PLPP1: variants seen among roughly 807,000 people sequenced by gnomAD.
PLPP1 encodes phospholipid phosphatase 1.
Under a neutral mutation model 31.2 loss-of-function variants are expected in PLPP1, and 24 were observed. The ratio of observed to expected loss-of-function variants is 0.77; its 90% CI spans 0.56 to 1.08. The LOEUF is 1.08. Ranked by LOEUF, PLPP1 falls within the 50% of genes least tolerant of loss-of-function variation. The pLI is 0.00. For synonymous variants in PLPP1, 146 were observed against 126.3 expected (o/e 1.16, Z -1.05); for missense variants, 319 against 342.7 (o/e 0.93, Z 0.55).
At chr5:55,468,647 C>A (rs1419481163) in intron 2 of PLPP1, among the ~76,000 whole-genome samples, 1 of 151,944 alleles carries the variant, frequency 6.6e-6, no homozygotes, top group Non-Finnish European at 1.5e-5. Flanking sequence ...ACTAAAAATA[C>A]AAAAAATCAG....
At chr5:55,433,333 AAAAG>A (rs1315490575) in intron 4 of PLPP1, among the ~76,000 whole-genome samples, 3 of 148,336 alleles carry the variant, frequency 2.0e-5, no homozygotes, top group African/African-American at 5.0e-5. Context: ...CGAAAAGAAA[AAAAG>A]AAAAGAAATA....
intron 3 of PLPP1, among the ~76,000 whole-genome samples, chr5:55,455,455 AT>A (rs1167903840): frequency 1.3e-5 from 2 of 152,070 alleles, no homozygotes; most frequent in Non-Finnish European, 2.9e-5. Flanking sequence ...TTAGCCAAGC[AT>A]GGTGGCTACA....
chr5:55,447,497 T>C (rs867809210), intron 3 of PLPP1, among the ~76,000 whole-genome samples: 1 of 152,230 alleles, frequency 6.6e-6, no homozygotes, highest in African/African-American at 2.4e-5. Flanking sequence ...AGGTACTTAA[T>C]ACACAGCGTT....
At chr5:55,498,037 G>A (rs1353915918) in intron 1 of PLPP1, among the ~76,000 whole-genome samples, 2 of 152,118 alleles carry the variant, frequency 1.3e-5, no homozygotes, top group Non-Finnish European at 2.9e-5. Context: ...GAACCAGGAG[G>A]GAACAGAAGG....
chr5:55,491,307 T>C (rs1466526599), intron 1 of PLPP1, among the ~76,000 whole-genome samples: 1 of 152,122 alleles, frequency 6.6e-6, no homozygotes, highest in East Asian at 1.9e-4. Flanking sequence ...CCCCACCTTT[T>C]TCCAAGTATA....
intron 3 of PLPP1, among the ~76,000 whole-genome samples, chr5:55,442,187 G>A (rs1751636139): frequency 6.6e-6 from 1 of 152,176 alleles, no homozygotes; most frequent in Non-Finnish European, 1.5e-5. Context: ...GATGTCAGAA[G>A]AATGATACTT....
At chr5:55,439,939 T>C (rs1164644997) in intron 4 of PLPP1, among the ~76,000 whole-genome samples, 2 of 152,236 alleles carry the variant, frequency 1.3e-5, no homozygotes, top group East Asian at 3.9e-4. Context: ...GGACTAGGGT[T>C]CAGACCAAGT....
chr5:55,483,965 G>A (rs894759144), intron 1 of PLPP1, among the ~76,000 whole-genome samples: 8 of 152,126 alleles, frequency 5.3e-5, no homozygotes, highest in South Asian at 4.1e-4. Flanking sequence ...ACTATGCAAT[G>A]CACGCTTAAG....
chr5:55,513,491 C>T (rs866542992), intron 1 of PLPP1, among the ~76,000 whole-genome samples: 1 of 151,862 alleles, frequency 6.6e-6, no homozygotes, highest in African/African-American at 2.4e-5. Flanking sequence ...AGGCTGGTCT[C>T]GAACTCCTAA....
intron 3 of PLPP1, among the ~76,000 whole-genome samples, chr5:55,443,192 A>AAAAAAAAATATATATATAT: frequency 1.1e-3 from 28 of 25,428 alleles, no homozygotes; most frequent in Admixed American, 5.5e-3. Context: ...AAAAAAAAAA[A>AAAAAAAAATATATATATAT]ATATATATAT....
intron 4 of PLPP1, among the ~76,000 whole-genome samples, chr5:55,437,455 T>TTCTG (rs1561222887): frequency 6.7e-6 from 1 of 148,950 alleles, no homozygotes. Context: ...AAGGAGTTTT[T>TTCTG]TTTGTTTGTT....
chr5:55,470,108 TCCTTTAC>T (rs1265390883), intron 2 of PLPP1, among the ~76,000 whole-genome samples: 2 of 152,206 alleles, frequency 1.3e-5, no homozygotes, highest in African/African-American at 4.8e-5. Context: ...AGAATGTCAT[TCCTTTAC>T]AGTTTTGCTT....
At chr5:55,437,070 T>TA (rs748070896) in intron 4 of PLPP1, among the ~76,000 whole-genome samples, 7 of 152,180 alleles carry the variant, frequency 4.6e-5, no homozygotes, top group African/African-American at 2.4e-5. Flanking sequence ...ACCCTAATCT[T>TA]AGACTTCCAG....
chr5:55,446,431 T>C (rs1751766282), intron 3 of PLPP1, among the ~76,000 whole-genome samples: 1 of 152,216 alleles, frequency 6.6e-6, no homozygotes, highest in African/African-American at 2.4e-5. Context: ...CAACTTTGAT[T>C]CTCTTCATCC....
rs772413266 is a variant in PLPP1 at position 55,534,641 on chromosome 5, G to A, written c.-12C>T. 1 of 1,544,108 alleles carries A rather than the reference G, an allele frequency of 6.5e-7. No homozygotes were observed. Reference sequence around the variant, plus strand: ...GTCTTGTCAAACATGGTCTCTGCCCGGGCTGCCCGGCAAGGGCGATGGACT... The same window carrying A: ...GTCTTGTCAAACATGGTCTCTGCCCAGGCTGCCCGGCAAGGGCGATGGACT... On this transcript the variant is annotated 5_prime_UTR_variant, in exon 1 of 6. Coordinates refer to ENST00000307259, the MANE Select transcript of PLPP1 (RefSeq NM_003711.4).
chr5:55,483,691 C>T (rs112100153), intron 1 of PLPP1, among the ~76,000 whole-genome samples: 16,462 of 140,296 alleles, frequency 0.12, 1,024 homozygotes, highest in Middle Eastern at 0.15. Context: ...AAAAAAACTA[C>T]ATTATTAGAA....
At chr5:55,468,412 A>G in intron 2 of PLPP1, 1 of 314,578 alleles carries the variant, frequency 3.2e-6, no homozygotes, top group Non-Finnish European at 5.8e-6. Context: ...CTAAAATAAC[A>G]AGATCTTATT....
intron 1 of PLPP1, among the ~76,000 whole-genome samples, chr5:55,508,502 T>C (rs562471430): frequency 9.2e-5 from 14 of 152,220 alleles, no homozygotes; most frequent in Non-Finnish European, 1.8e-4. Flanking sequence ...TCAACAAATA[T>C]TTGATGAATG....
chr5:55,433,880 T>C (rs1445286485), intron 4 of PLPP1, among the ~76,000 whole-genome samples: 1 of 150,872 alleles, frequency 6.6e-6, no homozygotes, highest in African/African-American at 2.4e-5. Context: ...CTTACGCCTG[T>C]AATCCCAGCA....
Sources: gnomAD v4.1 joint callset for allele counts (sites outside exome capture counted in the v4.1 genomes callset) on GRCh38, gnomAD v4.1.1 for gene constraint, MANE v1.5 for transcripts, NCBI Gene and HGNC (gene_info 2026-07-23, HGNC 2026-07-21) for gene names.